IPO4: variants seen among roughly 807,000 people sequenced by gnomAD.
The protein encoded by IPO4 is importin 4.
A neutral mutation model predicts 133.5 loss-of-function variants in IPO4; 91 were observed. That is an observed-to-expected ratio of 0.68 (90% CI 0.58 to 0.81). The LOEUF is 0.81. IPO4 is among the 30% of genes least tolerant of loss of function. IPO4 has a pLI of 0.00. For missense variants in IPO4, 1,279 were observed against 1,386.2 expected, an observed-to-expected ratio of 0.92 and a Z score of 1.23; for synonymous variants, 607 against 581.6, an observed-to-expected ratio of 1.04 and a Z score of -0.63.
At position 24,186,792 on chromosome 14, in the gene IPO4, C is replaced by G; in HGVS notation, c.757-1G>C. 6.2e-7 allele frequency: 1 copy of G among 1,614,074 alleles called. No individual in the cohort carries two copies. The highest frequency in any genetic ancestry group is 1.3e-5 in the African/African-American group (1 of 75,042). ...TGCCCAGGGCCACATTTCTAGCTAC[C>G]TGTCCACAGAATAATAAAAATCAGC... On this transcript the variant is annotated splice_acceptor_variant, in intron 8 of 29. Coordinates refer to ENST00000354464, the MANE Select transcript of IPO4 (RefSeq NM_024658.4). LOFTEE classifies it high-confidence loss of function.
Position 24,184,919 on chromosome 14 carries a change from G to A in IPO4, c.1470C>T (p.Asn490=). ...GCTCCTTGGCCCGGGGACTGCTGGG[G>A]TTCCTCAGAAGCTGCAGCATGCATT... ...LMECMLQLLR[N]PSSPRAKELA... is the part of the protein sequence containing the mutation. The change falls in exon 15 of 30, where the codon AAC becomes AAT. Residue 490 remains asparagine, a synonymous_variant. Coordinates refer to ENST00000354464, the MANE Select transcript of IPO4 (RefSeq NM_024658.4). 6.2e-7 allele frequency: 1 copy of A among 1,614,144 alleles called. No homozygotes were observed. Among genetic ancestry groups the A allele is most frequent in the South Asian group, 1.1e-5 (1 of 91,084 alleles).
chr14:24,183,047 T>C lies in IPO4; in HGVS notation c.2350A>G (p.Thr784Ala). ...CGCCCAGGGGGCTTCAGTGTGAGGG[T>C]CCCACAGCTGCGGAGCACCCCTGTC... ...ALTGVLRSCGTLTLKPPGRLA... is the reference protein window; with the variant it reads ...ALTGVLRSCGALTLKPPGRLA... Residue 784 changes from threonine to alanine, a missense_variant, in exon 23 of 30, where the codon ACC (threonine) becomes GCC (alanine). Transcript: ENST00000354464. The C allele has an allele frequency of 6.2e-7, 1 of 1,613,616 alleles. No individual in the cohort carries two copies. Among genetic ancestry groups the C allele is most frequent in the South Asian group, 1.1e-5 (1 of 91,064 alleles).
At chr14:24,184,176 CG>C in intron 17 of IPO4, 67 bp from the exon 18 acceptor site, 1 of 1,566,938 alleles carries the variant, frequency 6.4e-7, no homozygotes, top group East Asian at 2.3e-5. Flanking sequence ...TGGGGGAGCC[CG>C]GGAACACCTG....
At position 24,182,825 on chromosome 14, in the gene IPO4, A is replaced by G. The variant is rs2039161414; in HGVS notation, c.2439T>C (p.Thr813=). 1 of 1,614,092 alleles carries G rather than the reference A, an allele frequency of 6.2e-7. No homozygotes were observed. The highest frequency in any genetic ancestry group is 8.5e-7 in the Non-Finnish European group (1 of 1,179,992). ...CATCTTCCTCTTCCTCCTCCTCGTC[A>G]GTATCCTGACAGGCTGTCTACAAGA... ...VLQRKTACQD[T]DEEEEEEDDD... is the part of the protein sequence containing the mutation. Residue 813 remains threonine (T), a synonymous_variant, in exon 24 of 30, where the codon ACT becomes ACC. Coordinates refer to ENST00000354464, the MANE Select transcript of IPO4 (RefSeq NM_024658.4).
Position 24,183,517 on chromosome 14 carries a change from C to T in IPO4, c.2064-4G>A, listed in dbSNP as rs1272522295. On this transcript the variant is annotated splice_region_variant and splice_polypyrimidine_tract_variant and intron_variant, in intron 20 of 29. Coordinates refer to ENST00000354464, the MANE Select transcript of IPO4 (RefSeq NM_024658.4). Reference sequence around the variant, plus strand: ...CATGTATGGAAGGAAGGCCACACTACAGAGAGAGACACAGCCGTGGGTAAG... The same window carrying T: ...CATGTATGGAAGGAAGGCCACACTATAGAGAGAGACACAGCCGTGGGTAAG... 1.9e-5 allele frequency: 30 copies of T among 1,614,018 alleles called. No homozygotes were observed. In the East Asian group the frequency reaches 2.9e-4, roughly 16 times the overall value.
intron 17 of IPO4, 50 bp from the exon 18 acceptor site, chr14:24,184,159 G>A: frequency 1.3e-6 from 2 of 1,586,778 alleles, no homozygotes. Flanking sequence ...GCTACCACCA[G>A]GCAGGATGGG....
In IPO4 at chr14:24,188,618, G is replaced by T. The variant is rs746295544; in HGVS notation, c.90C>A (p.Ile30=). The T allele has an allele frequency of 1.2e-6, 2 of 1,611,356 alleles. No homozygotes were observed. The highest frequency in any genetic ancestry group is 1.1e-5 in the South Asian group (1 of 90,894). The change falls in exon 2 of 30, where the codon ATC becomes ATA. Residue 30 remains isoleucine, a synonymous_variant. Coordinates refer to ENST00000354464, the MANE Select transcript of IPO4 (RefSeq NM_024658.4). ...GCAAAGCGGCGGGGGCCCGAAGAAC[G>T]ATCTGGAGCTGTTCCGTGGCCTGGG... The part of the protein sequence containing the change: ...RIRRATEQLQ[I]VLRAPAALPA...
chr14:24,185,527 C>T lies in IPO4; in HGVS notation c.1210G>A (p.Glu404Lys). 6.2e-7 allele frequency: 1 copy of T among 1,614,166 alleles called. No homozygotes were observed. The highest frequency in any genetic ancestry group is 1.7e-5 in the Admixed American group (1 of 60,028). ...PLLQIVCKGL[E>K]DPSQVVRNAA... ...TTGCGTACAACTTGCGAGGGGTCCT[C>T]CAGGCCCTTGCACACAATCTGCAGC... is the stretch of plus-strand genomic sequence containing the variant. Residue 404 changes from glutamate (E) to lysine (K), a missense_variant, in exon 13 of 30, where the codon GAG becomes AAG. Physicochemically the swap from Glu to Lys is moderately conservative, Grantham distance 56. Transcript: ENST00000354464.
Position 24,188,600 on chromosome 14 carries a change from G to A in IPO4, c.108C>T (p.Ala36=), listed in dbSNP as rs777194581. The change falls in exon 2 of 30, where the codon GCC becomes GCT. Residue 36 remains alanine, a synonymous_variant. Coordinates refer to ENST00000354464, the MANE Select transcript of IPO4 (RefSeq NM_024658.4). ...GCAGGTCGCAGAGAGCCGGCAAAGC[G>A]GCGGGGGCCCGAAGAACGATCTGGA... ...EQLQIVLRAP[A]ALPALCDLLA... The A allele has an allele frequency of 4.3e-6, 7 of 1,612,234 alleles. No individual in the cohort carries two copies. The highest frequency in any genetic ancestry group is 1.3e-5 in the African/African-American group (1 of 74,934).
rs1566640359 is a variant in IPO4, at chr14:24,180,761, G to A, written c.3046-3C>T. The stretch of plus-strand genomic sequence containing the variant: ...AGCTCGGGAGCCACATCTATAACCT[G>A]TGAGGAAAGAGTGGCTGACTCAGGG... On this transcript the variant is annotated splice_region_variant and splice_polypyrimidine_tract_variant and intron_variant, in intron 28 of 29. Transcript: ENST00000354464. 2 of 1,613,444 alleles carry A rather than the reference G, an allele frequency of 1.2e-6. No homozygotes were observed. The highest frequency in any genetic ancestry group is 2.7e-5 in the African/African-American group (2 of 74,924).
chr14:24,181,477 ACGTTCCCCTCTGAGGGCT>A lies in IPO4; in HGVS notation c.3045+18_3045+35del, dbSNP rs762679264. 4.1e-5 allele frequency: 63 copies of A among 1,520,718 alleles called. No homozygotes were observed. The highest frequency in any genetic ancestry group is 5.1e-5 in the Non-Finnish European group (57 of 1,118,922). 94.2% of individuals were successfully genotyped at this position (1,520,718 alleles called of 1,614,324 possible). A position where few individuals can be genotyped will look rare whatever the true frequency, so the allele number is the denominator to read the frequency against. On this transcript the variant is annotated intron_variant, in intron 28 of 29. Coordinates refer to ENST00000354464, the MANE Select transcript of IPO4 (RefSeq NM_024658.4). The stretch of plus-strand genomic sequence containing the variant: ...AGTGCCTATCACTGAGTGGAGCGGC[ACGTTCCCCTCTGAGGGCT>A]GCCAGCAGCAAGGTTACCTGGTCAG...
At chr14:24,187,064 C>T (rs144501121) in intron 7 of IPO4, 21 bp downstream of exon 7, 48 of 1,613,386 alleles carry the variant, frequency 3.0e-5, no homozygotes, top group Non-Finnish European at 3.9e-5. Context: ...TCCAACAGAG[C>T]TCCTGCCCAC....
At chr14:24,188,688 T>G (rs1212621801) in intron 1 of IPO4, 31 bp downstream of exon 1, 1 of 1,600,364 alleles carries the variant, frequency 6.2e-7, no homozygotes, top group Admixed American at 1.7e-5. Context: ...AACCTCCCGC[T>G]CGCCCTGGCC....
chr14:24,183,531 G>T lies in IPO4; in HGVS notation c.2064-18C>A, dbSNP rs773739866. 3.7e-6 allele frequency: 6 copies of T among 1,613,902 alleles called. No individual in the cohort carries two copies. The highest frequency in any genetic ancestry group is 5.1e-6 in the Non-Finnish European group (6 of 1,179,970). On this transcript the variant is annotated intron_variant, in intron 20 of 29. Coordinates refer to ENST00000354464, the MANE Select transcript of IPO4 (RefSeq NM_024658.4). ...AGGCCACACTACAGAGAGAGACACA[G>T]CCGTGGGTAAGGGGCCCCCAGGCAG... is the stretch of plus-strand genomic sequence containing the variant.
intron 16 of IPO4, 29 bp from the exon 17 acceptor site, chr14:24,184,447 A>G: frequency 6.3e-7 from 1 of 1,595,276 alleles, no homozygotes; most frequent in Non-Finnish European, 8.5e-7. Context: ...CATTAGCACC[A>G]GGAGGTGGAG....
At chr14:24,188,066 T>A in intron 4 of IPO4, 150 bp downstream of exon 4, 1 of 876,282 alleles carries the variant, frequency 1.1e-6, no homozygotes, top group Non-Finnish European at 1.8e-6. Context: ...CCTCAAGAAC[T>A]TTAGTCTTCA....
intron 4 of IPO4, 65 bp from the exon 5 acceptor site, chr14:24,187,861 C>G (rs770734803): frequency 1.3e-6 from 2 of 1,593,214 alleles, no homozygotes; most frequent in Non-Finnish European, 1.7e-6. Flanking sequence ...AGTGGCCAGG[C>G]TCAATGGGGC....
Position 24,180,387 on chromosome 14 carries a change from T to A in IPO4, c.*55A>T. The stretch of plus-strand genomic sequence containing the variant: ...GGCAGAACTGAACTGGGCTGAGAGG[T>A]GGTCTTAAGGCCTGGGCAGGCTCTA... On this transcript the variant is annotated 3_prime_UTR_variant, in exon 30 of 30. Coordinates refer to ENST00000354464, the MANE Select transcript of IPO4 (RefSeq NM_024658.4). 1 of 1,574,114 alleles carries A rather than the reference T, an allele frequency of 6.4e-7. No individual in the cohort carries two copies. Among genetic ancestry groups the A allele is most frequent in the Non-Finnish European group, 8.6e-7 (1 of 1,156,384 alleles).
chr14:24,187,222 C>T, intron 6 of IPO4, 72 bp from the exon 7 acceptor site: 1 of 1,556,768 alleles, frequency 6.4e-7, no homozygotes, highest in Non-Finnish European at 8.8e-7. Flanking sequence ...TTCCTCACAG[C>T]CTGAATTGCG....
Sources: allele counts gnomAD v4.1 joint callset, GRCh38; gene constraint gnomAD v4.1.1; transcripts MANE v1.5; gene names NCBI Gene and HGNC (gene_info 2026-07-23, HGNC 2026-07-21).